Variants in ZNF148 observed in about 807,000 individuals in gnomAD.
ZNF148 encodes zinc finger protein 148.
In ZNF148, 7 loss-of-function variants were observed where a neutral mutation model predicts 67.7. The observed-to-expected ratio is 0.10, with a 90% confidence interval of 0.06 to 0.19. The LOEUF (loss-of-function observed/expected upper bound fraction) is 0.19. Ranked by LOEUF, ZNF148 falls within the 10% of genes least tolerant of loss-of-function variation. The probability of loss-of-function intolerance (pLI) is 1.00; values close to 1 mark genes in which losing one functional copy is unlikely to be tolerated. For synonymous variants in ZNF148, 333 were observed against 330.7 expected (o/e 1.01, Z -0.08); for missense variants, 583 against 947.1 (o/e 0.62, Z 5.05).
At position 125,230,461 on chromosome 3, in the gene ZNF148, A is replaced by G. The variant is rs1466361540; in HGVS notation, c.*1880T>C. On this transcript the variant is annotated 3_prime_UTR_variant, in exon 9 of 9. Transcript: ENST00000360647. ...CAGCAAAGAAAGCTGTCAAACGGGAAAACTACTATTTCAAGCAAAACTTAA... is the reference window on the plus strand; with the variant it reads ...CAGCAAAGAAAGCTGTCAAACGGGAGAACTACTATTTCAAGCAAAACTTAA... 6.6e-6 allele frequency: 1 copy of G among 152,536 alleles called. No homozygotes were observed. Among genetic ancestry groups the G allele is most frequent in the Admixed American group, 6.6e-5 (1 of 15,246 alleles). 9.4% of individuals were successfully genotyped at this position (152,536 alleles called of 1,614,324 possible).
chr3:125,322,904 T>C (rs530150593), intron 3 of ZNF148, among the ~76,000 whole-genome samples: 1 of 152,332 alleles, frequency 6.6e-6, no homozygotes, highest in African/African-American at 2.4e-5. Context: ...TTAAAAATTA[T>C]ATAGCAAACA....
At chr3:125,353,277 G>A (rs1219724193) in intron 1 of ZNF148, among the ~76,000 whole-genome samples, 3 of 152,014 alleles carry the variant, frequency 2.0e-5, no homozygotes, top group South Asian at 4.1e-4. Flanking sequence ...CAGGGTACAA[G>A]GAGGAGTGTT....
intron 7 of ZNF148, among the ~76,000 whole-genome samples, chr3:125,272,149 A>C (rs1395019598): frequency 3.3e-5 from 5 of 152,208 alleles, no homozygotes; most frequent in Non-Finnish European, 7.4e-5. Flanking sequence ...CTTAAGTTCT[A>C]TCTCTTCCAT....
At chr3:125,358,518 CA>C in intron 1 of ZNF148, among the ~76,000 whole-genome samples, 1 of 152,276 alleles carries the variant, frequency 6.6e-6, no homozygotes, top group East Asian at 1.9e-4. Flanking sequence ...AAATTTGCCC[CA>C]AACTGCCATC....
At chr3:125,260,286 G>A (rs1240291130) in intron 7 of ZNF148, among the ~76,000 whole-genome samples, 1 of 151,638 alleles carries the variant, frequency 6.6e-6, no homozygotes, top group Non-Finnish European at 1.5e-5. Flanking sequence ...ACACAGGGTT[G>A]CCATAAACCT....
intron 1 of ZNF148, among the ~76,000 whole-genome samples, chr3:125,358,297 A>G (rs963564293): frequency 4.6e-5 from 7 of 152,202 alleles, no homozygotes; most frequent in African/African-American, 1.7e-4. Context: ...TGGGCAACAG[A>G]GCAAGATGCC....
intron 1 of ZNF148, among the ~76,000 whole-genome samples, chr3:125,348,042 C>T (rs1269253590): frequency 1.3e-5 from 2 of 151,974 alleles, no homozygotes; most frequent in Non-Finnish European, 2.9e-5. Flanking sequence ...ATCATTTGAG[C>T]CCAGGAGCTT....
At chr3:125,312,961 T>A (rs1461850577) in intron 4 of ZNF148, among the ~76,000 whole-genome samples, 1 of 152,132 alleles carries the variant, frequency 6.6e-6, no homozygotes, top group African/African-American at 2.4e-5. Context: ...GGAAAAACCC[T>A]TGAATGTGTG....
In ZNF148 at chr3:125,241,081, C is replaced by T. The variant is rs377427526; in HGVS notation, c.668-6752G>A. Among the ~76,000 whole-genome samples the T allele has an allele frequency of 2.7e-4, 41 of 151,766 alleles. No individual in the cohort carries two copies. In the East Asian group the frequency reaches 7.4e-3, roughly 27 times the overall value. The stretch of plus-strand genomic sequence containing the variant: ...CTCCCTCCCATTCTTATACTCATCT[C>T]CATTCCTTTCTTTTAAAACTAGCCA... On this transcript the variant is annotated intron_variant, in intron 7 of 8. Transcript: ENST00000360647.
In ZNF148 at chr3:125,227,380, A is replaced by G. The variant is rs1935683204; in HGVS notation, c.*4961T>C. ...TTTTCCTTTATTAGTTGAAATACAA[A>G]GAAGGCATAGGGGATCCCAGGAAAA... On this transcript the variant is annotated 3_prime_UTR_variant, in exon 9 of 9. Coordinates refer to ENST00000360647, the MANE Select transcript of ZNF148 (RefSeq NM_021964.3). The G allele has an allele frequency of 6.6e-6, 1 of 152,616 alleles. No homozygotes were observed. Among genetic ancestry groups the G allele is most frequent in the Non-Finnish European group, 1.5e-5 (1 of 68,008 alleles). 9.5% of individuals were successfully genotyped at this position (152,616 alleles called of 1,614,324 possible).
intron 1 of ZNF148, among the ~76,000 whole-genome samples, chr3:125,355,183 TGAC>T (rs1000629354): frequency 1.3e-5 from 2 of 152,176 alleles, no homozygotes; most frequent in Non-Finnish European, 2.9e-5. Flanking sequence ...ATCATTCTAA[TGAC>T]AACATTGGAA....
At chr3:125,244,081 A>G (rs1191214310) in intron 7 of ZNF148, among the ~76,000 whole-genome samples, 1 of 152,128 alleles carries the variant, frequency 6.6e-6, no homozygotes, top group Admixed American at 6.5e-5. Flanking sequence ...AAGCAATAAC[A>G]CGGTAAGGAA....
chr3:125,289,352 A>C (rs559528868), intron 4 of ZNF148, among the ~76,000 whole-genome samples: 39 of 152,218 alleles, frequency 2.6e-4, no homozygotes, highest in Non-Finnish European at 1.2e-4. Flanking sequence ...AAAAAGTGGA[A>C]GTTCTCATGA....
intron 1 of ZNF148, among the ~76,000 whole-genome samples, chr3:125,351,288 G>A (rs956857594): frequency 2.7e-5 from 4 of 146,768 alleles, no homozygotes; most frequent in East Asian, 2.1e-4. Flanking sequence ...AGGCTGAGGC[G>A]AGAAGCTTGT....
chr3:125,308,497 A>G (rs139129294), intron 4 of ZNF148, among the ~76,000 whole-genome samples: 13 of 151,248 alleles, frequency 8.6e-5, no homozygotes, highest in African/African-American at 2.9e-4. Flanking sequence ...AATCAATGCA[A>G]TCTCAATCAG....
chr3:125,303,414 G>A (rs1259419570), intron 4 of ZNF148, among the ~76,000 whole-genome samples: 1 of 152,196 alleles, frequency 6.6e-6, no homozygotes, highest in Non-Finnish European at 1.5e-5. Context: ...AGCGGCCAGT[G>A]AGCAAGCAAA....
chr3:125,256,864 TTTCAA>T (rs1937103469), intron 7 of ZNF148, among the ~76,000 whole-genome samples: 1 of 152,196 alleles, frequency 6.6e-6, no homozygotes, highest in East Asian at 1.9e-4. Context: ...TACTGATGTC[TTTCAA>T]TTCATTAATC....
intron 4 of ZNF148, 62 bp from the exon 5 acceptor site, chr3:125,288,290 C>T: frequency 6.6e-7 from 1 of 1,519,232 alleles, no homozygotes; most frequent in Non-Finnish European, 8.8e-7. Flanking sequence ...GACAAAAGGC[C>T]ATTTTATGTT....
intron 7 of ZNF148, among the ~76,000 whole-genome samples, chr3:125,266,625 A>G (rs1937536064): frequency 6.6e-6 from 1 of 152,180 alleles, no homozygotes; most frequent in Admixed American, 6.5e-5. Context: ...GAGGACAGAA[A>G]GATTTCAAAT....
Sources: gnomAD v4.1 joint callset for allele counts (sites outside exome capture counted in the v4.1 genomes callset) on GRCh38, gnomAD v4.1.1 for gene constraint, MANE v1.5 for transcripts, NCBI Gene and HGNC (gene_info 2026-07-23, HGNC 2026-07-21) for gene names.